Variants in PPM1L observed in about 807,000 individuals in gnomAD.
PPM1L encodes the protein protein phosphatase, Mg2+/Mn2+ dependent 1L.
A neutral mutation model predicts 31.4 loss-of-function variants in PPM1L; 13 were observed. That is an observed-to-expected ratio of 0.41 (90% CI 0.27 to 0.66). PPM1L has a LOEUF of 0.66. Among genes scored for constraint, PPM1L ranks in the 30% least tolerant of loss-of-function variants. PPM1L has a pLI of 0.29. For missense variants in PPM1L, 326 were observed against 453.7 expected, an observed-to-expected ratio of 0.72 and a Z score of 2.56; for synonymous variants, 184 against 175.4, an observed-to-expected ratio of 1.05 and a Z score of -0.39.
intron 1 of PPM1L, among the ~76,000 whole-genome samples, chr3:160,759,835 C>T (rs925182071): frequency 2.6e-5 from 4 of 152,072 alleles, no homozygotes; most frequent in East Asian, 1.9e-4. Flanking sequence ...ATTCTAGCTG[C>T]GACATTGGAC....
intron 1 of PPM1L, among the ~76,000 whole-genome samples, chr3:160,931,569 GA>G (rs1026911170): frequency 2.6e-5 from 4 of 152,184 alleles, no homozygotes; most frequent in African/African-American, 9.7e-5. Flanking sequence ...AGAAGAAAAA[GA>G]AAAAGATGGG....
intron 2 of PPM1L, among the ~76,000 whole-genome samples, chr3:161,051,078 G>A (rs1320885319): frequency 6.6e-6 from 1 of 152,042 alleles, no homozygotes; most frequent in Non-Finnish European, 1.5e-5. Context: ...AGAGAGAGTT[G>A]AGGTCTCACT....
intron 1 of PPM1L, among the ~76,000 whole-genome samples, chr3:160,890,796 A>G (rs2108045833): frequency 6.6e-6 from 1 of 152,310 alleles, no homozygotes; most frequent in South Asian, 2.1e-4. Context: ...CCTATGGTAC[A>G]GAGGAGACCT....
chr3:161,020,049 C>T (rs1248013643), intron 2 of PPM1L, among the ~76,000 whole-genome samples: 2 of 151,692 alleles, frequency 1.3e-5, no homozygotes, highest in African/African-American at 2.4e-5. Flanking sequence ...TCACTTGAAC[C>T]CAGGAGGTGG....
chr3:161,003,105 C>G (rs981250660), intron 2 of PPM1L, among the ~76,000 whole-genome samples: 1 of 151,500 alleles, frequency 6.6e-6, no homozygotes, highest in South Asian at 2.1e-4. Flanking sequence ...AATCCTTTCC[C>G]CATTGCTTGT....
chr3:161,015,731 G>T (rs1416668490), intron 2 of PPM1L, among the ~76,000 whole-genome samples: 6 of 152,186 alleles, frequency 3.9e-5, no homozygotes, highest in Non-Finnish European at 8.8e-5. Context: ...GCTAGCTGTT[G>T]TTTGGATGGG....
chr3:161,023,363 G>A (rs567241647), intron 2 of PPM1L, among the ~76,000 whole-genome samples: 1 of 152,068 alleles, frequency 6.6e-6, no homozygotes, highest in African/African-American at 2.4e-5. Flanking sequence ...TCCTATATAT[G>A]TTGTTGCAAT....
chr3:160,874,946 A>G (rs548892744), intron 1 of PPM1L, among the ~76,000 whole-genome samples: 2 of 152,328 alleles, frequency 1.3e-5, no homozygotes, highest in East Asian at 1.9e-4. Flanking sequence ...AAGCTGTCCC[A>G]TGACTTCTCA....
At chr3:161,040,318 G>T (rs1179441339) in intron 2 of PPM1L, among the ~76,000 whole-genome samples, 1 of 152,084 alleles carries the variant, frequency 6.6e-6, no homozygotes. Flanking sequence ...TAATTCTTAA[G>T]TAGTGCTAAG....
At chr3:160,962,791 C>T (rs1716009455) in intron 2 of PPM1L, among the ~76,000 whole-genome samples, 1 of 151,930 alleles carries the variant, frequency 6.6e-6, no homozygotes. Context: ...AAATAGCAAA[C>T]AGAAGAGCAA....
chr3:161,041,962 A>G (rs1305805624), intron 2 of PPM1L, among the ~76,000 whole-genome samples: 2 of 152,202 alleles, frequency 1.3e-5, no homozygotes, highest in Non-Finnish European at 2.9e-5. Flanking sequence ...ATTTTTAAGT[A>G]TGGAAGATAA....
chr3:160,838,146 C>T (rs910728482), intron 1 of PPM1L, among the ~76,000 whole-genome samples: 3 of 152,140 alleles, frequency 2.0e-5, no homozygotes, highest in African/African-American at 7.2e-5. Flanking sequence ...CTCCAGGATT[C>T]TTTTTGCCTT....
intron 2 of PPM1L, among the ~76,000 whole-genome samples, chr3:160,983,635 A>G (rs1321844269): frequency 2.0e-5 from 3 of 152,116 alleles, no homozygotes; most frequent in African/African-American, 7.2e-5. Context: ...ATTTGGGATT[A>G]CTCTGTTGTA....
intron 1 of PPM1L, among the ~76,000 whole-genome samples, chr3:160,879,580 TAGTG>T (rs1286097430): frequency 6.6e-6 from 1 of 152,132 alleles, no homozygotes; most frequent in Non-Finnish European, 1.5e-5. Flanking sequence ...TCCTGTGAAT[TAGTG>T]AGAATATATA....
At chr3:160,965,230 G>A (rs1259584213) in intron 2 of PPM1L, among the ~76,000 whole-genome samples, 4 of 151,424 alleles carry the variant, frequency 2.6e-5, no homozygotes, top group South Asian at 2.1e-4. Context: ...AAGCCTGGGC[G>A]ACAGAGCCTC....
chr3:161,036,453 G>C (rs1045801344), intron 2 of PPM1L, among the ~76,000 whole-genome samples: 1 of 152,150 alleles, frequency 6.6e-6, no homozygotes, highest in African/African-American at 2.4e-5. Context: ...GGATATGAGA[G>C]TATTATTAGT....
intron 1 of PPM1L, among the ~76,000 whole-genome samples, chr3:160,956,228 G>A (rs1429217413): frequency 6.6e-6 from 1 of 151,966 alleles, no homozygotes; most frequent in Non-Finnish European, 1.5e-5. Context: ...CCAGACTAAC[G>A]CTAGAATGGG....
Position 161,065,312 on chromosome 3 carries a change from T to C in PPM1L, c.575-91T>C, listed in dbSNP as rs912572629. 1.4e-5 allele frequency: 18 copies of C among 1,324,848 alleles called. No homozygotes were observed. The African/African-American group carries it at 2.5e-4, about 18-fold the overall frequency. 82.1% of individuals were successfully genotyped at this position (1,324,848 alleles called of 1,614,324 possible). ...AAATTCTCACCCAGCAGAAGCAATTTTAATGACTGAAGAATCCAGTTACCA... is the reference window on the plus strand; with the variant it reads ...AAATTCTCACCCAGCAGAAGCAATTCTAATGACTGAAGAATCCAGTTACCA... On this transcript the variant is annotated intron_variant, in intron 2 of 3. Transcript: ENST00000498165.
At chr3:160,901,260 G>T (rs528987884) in intron 1 of PPM1L, among the ~76,000 whole-genome samples, 3 of 152,032 alleles carry the variant, frequency 2.0e-5, no homozygotes, top group Admixed American at 2.0e-4. Context: ...TGAAGTCCTG[G>T]TCTCCCCACC....
Sources: allele counts gnomAD v4.1 joint callset (sites outside exome capture counted in the v4.1 genomes callset), GRCh38; gene constraint gnomAD v4.1.1; transcripts MANE v1.5; gene names NCBI Gene and HGNC (gene_info 2026-07-23, HGNC 2026-07-21).